CFAP58: variants seen among roughly 807,000 people sequenced by gnomAD.
The protein encoded by CFAP58 is cilia and flagella associated protein 58.
CFAP58 carries 88 observed loss-of-function variants against 119.5 expected under a neutral mutation model. That is an observed-to-expected ratio of 0.74 (90% CI 0.62 to 0.88). CFAP58 has a LOEUF of 0.88. CFAP58 is among the 40% of genes least tolerant of loss of function. The pLI is 0.00. For synonymous variants in CFAP58, 365 were observed against 366.3 expected, an observed-to-expected ratio of 1.00 and a Z score of 0.04; for missense variants, 990 against 1,021.2, an observed-to-expected ratio of 0.97 and a Z score of 0.42.
intron 9 of CFAP58, among the ~76,000 whole-genome samples, chr10:104,391,197 G>T (rs1007092308): frequency 1.3e-5 from 2 of 152,282 alleles, no homozygotes; most frequent in East Asian, 3.9e-4. Context: ...GATGGCAGAA[G>T]TCTAAGAGGT....
upstream of CFAP58, among the ~76,000 whole-genome samples, chr10:104,352,200 G>A (rs111293356): frequency 2.5e-3 from 386 of 152,302 alleles, 4 homozygotes; most frequent in African/African-American, 8.2e-3. Context: ...CACTTTATGA[G>A]TGTTTAATAA....
chr10:104,405,738 C>T (rs1480403949), intron 14 of CFAP58, among the ~76,000 whole-genome samples: 1 of 152,212 alleles, frequency 6.6e-6, no homozygotes, highest in Non-Finnish European at 1.5e-5. Flanking sequence ...TCATAGACTG[C>T]AGTGAATCTT....
chr10:104,354,053 C>T (rs1396297761), intron 1 of CFAP58, 147 bp downstream of exon 1: 8 of 959,118 alleles, frequency 8.3e-6, no homozygotes, highest in Non-Finnish European at 1.3e-5. Context: ...CCGCGCCTTT[C>T]TCCGTTGGCT....
chr10:104,368,697 T>A lies in CFAP58; in HGVS notation c.930+137T>A, dbSNP rs946198902. 32 of 832,434 alleles carry A rather than the reference T, an allele frequency of 3.8e-5. No individual in the cohort carries two copies. In the African/African-American group the frequency reaches 5.0e-4, roughly 13 times the overall value. The allele number at this position is 832,434 out of a possible 1,614,324, so 51.6% of individuals were successfully genotyped here. On this transcript the variant is annotated intron_variant, in intron 6 of 17. Coordinates refer to ENST00000369704, the MANE Select transcript of CFAP58 (RefSeq NM_001008723.2). The stretch of plus-strand genomic sequence containing the variant: ...GACACATCAGAGGCAGGTGCAAGCC[T>A]ATAGTGATTGCTTTAGGCCCAGAAG...
chr10:104,385,754 T>A (rs560956110), intron 9 of CFAP58, among the ~76,000 whole-genome samples: 4 of 152,142 alleles, frequency 2.6e-5, no homozygotes, highest in African/African-American at 9.6e-5. Flanking sequence ...TGGTCAAGGA[T>A]GTAGTGGGAA....
the CFAP58 span, among the ~76,000 whole-genome samples, chr10:104,340,777 T>C: frequency 1.3e-5 from 2 of 152,124 alleles, no homozygotes; most frequent in African/African-American, 2.4e-5. Context: ...GAGTACCCAC[T>C]CAGGGATTGG....
At chr10:104,362,925 G>A (rs780469082) in intron 3 of CFAP58, among the ~76,000 whole-genome samples, 7 of 152,114 alleles carry the variant, frequency 4.6e-5, no homozygotes, top group Non-Finnish European at 1.0e-4. Context: ...AGCCTCGTGC[G>A]AGCCCATCAA....
intron 9 of CFAP58, among the ~76,000 whole-genome samples, chr10:104,391,275 T>A (rs1447709430): frequency 5.3e-5 from 8 of 152,198 alleles, no homozygotes; most frequent in Admixed American, 2.0e-4. Context: ...GACATGGACC[T>A]GTTTCTTCAT....
At position 104,392,709 on chromosome 10, in the gene CFAP58, G is replaced by A. The variant is rs550827109; in HGVS notation, c.1527+315G>A. 5.8e-4 allele frequency among the ~76,000 whole-genome samples: 86 copies of A among 148,624 alleles called. 2 individuals carry two copies. In the South Asian group the frequency reaches 0.018, roughly 31 times the overall value. ...AGCTGGAGTGCAGTGACGCGATCTC[G>A]GCTCACTGCAACCTCTGCCTCCTGG... On this transcript the variant is annotated intron_variant, in intron 10 of 17. Transcript: ENST00000369704.
Position 104,382,312 on chromosome 10 carries a change from AG to A in CFAP58, c.1365+2096del, listed in dbSNP as rs34914266. On this transcript the variant is annotated intron_variant, in intron 9 of 17. Transcript: ENST00000369704. The stretch of plus-strand genomic sequence containing the variant: ...GGCAGGAGTGTGGTCCTCCTTAGGG[AG>A]GGGCCCTGTAGGGTGAGGCAGCAAA... 205 of 651,448 alleles carry A rather than the reference AG, an allele frequency of 3.1e-4. No individual in the cohort carries two copies. In the African/African-American group the frequency reaches 3.2e-3, roughly 10 times the overall value. 40.4% of individuals were successfully genotyped at this position (651,448 alleles called of 1,614,324 possible).
intron 15 of CFAP58, among the ~76,000 whole-genome samples, chr10:104,433,253 G>A (rs901484060): frequency 2.6e-5 from 4 of 152,166 alleles, no homozygotes; most frequent in Non-Finnish European, 4.4e-5. Context: ...GCCACAGCAT[G>A]TGCCTAATTT....
intron 7 of CFAP58, among the ~76,000 whole-genome samples, chr10:104,373,275 C>A (rs1269286490): frequency 6.6e-6 from 1 of 152,016 alleles, no homozygotes; most frequent in African/African-American, 2.4e-5. Context: ...GATGAGAAAA[C>A]TCAATAGAAT....
In CFAP58 at chr10:104,392,082, T is replaced by C. The variant is rs986780093; in HGVS notation, c.1366-151T>C. The C allele has an allele frequency of 1.3e-5, 8 of 602,678 alleles. No individual in the cohort carries two copies. The Admixed American group carries it at 2.6e-4, about 20-fold the overall frequency. 37.3% of individuals were successfully genotyped at this position (602,678 alleles called of 1,614,324 possible). A position where few individuals can be genotyped will look rare whatever the true frequency, so the allele number is the denominator to read the frequency against. On this transcript the variant is annotated intron_variant, in intron 9 of 17. Transcript: ENST00000369704. ...CCCCTAATCAGTTGGGCTGAATTTC[T>C]GTGTTGTACTGCAGTGATTATAGCC...
At chr10:104,347,924 A>C in the CFAP58 span, among the ~76,000 whole-genome samples, 1 of 152,096 alleles carries the variant, frequency 6.6e-6, no homozygotes, top group East Asian at 1.9e-4. Context: ...TATTTGCTTT[A>C]TTCTTCCCTC....
Position 104,358,631 on chromosome 10 carries a change from T to A in CFAP58, c.291+9T>A. 6.2e-7 allele frequency: 1 copy of A among 1,601,968 alleles called. No individual in the cohort carries two copies. On this transcript the variant is annotated intron_variant, in intron 2 of 17. Transcript: ENST00000369704. Reference sequence around the variant, plus strand: ...TTGCATCCCTAAAGAAGGTCAGTGATCTTCTAGAAATGGAATGAACCTGAA... The same window carrying A: ...TTGCATCCCTAAAGAAGGTCAGTGAACTTCTAGAAATGGAATGAACCTGAA...
chr10:104,446,003 C>T (rs939056594), intron 15 of CFAP58, among the ~76,000 whole-genome samples: 2 of 152,196 alleles, frequency 1.3e-5, no homozygotes, highest in Non-Finnish European at 2.9e-5. Context: ...TCTATCTGTA[C>T]TCTGGTATAG....
chr10:104,370,834 C>T, intron 6 of CFAP58, 61 bp from the exon 7 acceptor site: 10 of 1,455,466 alleles, frequency 6.9e-6, no homozygotes, highest in African/African-American at 1.4e-5. Context: ...AGTTTACCAT[C>T]ATCCAGTTCC....
intron 15 of CFAP58, among the ~76,000 whole-genome samples, chr10:104,424,565 A>G (rs1204621616): frequency 6.6e-6 from 1 of 152,174 alleles, no homozygotes; most frequent in East Asian, 1.9e-4. Flanking sequence ...CAAGAAATTT[A>G]TGATCTATTT....
chr10:104,447,693 A>T lies in CFAP58; in HGVS notation c.2257-5A>T, dbSNP rs12766595. ...ATCTCTGCTCCTGGTTCTGCTCTCC[A>T]CTAGGAAAAGGAGAAACTCTACATG... On this transcript the variant is annotated splice_polypyrimidine_tract_variant and splice_region_variant and intron_variant, in intron 15 of 17. Coordinates refer to ENST00000369704, the MANE Select transcript of CFAP58 (RefSeq NM_001008723.2). The T allele has an allele frequency of 0.22, 347,614 of 1,613,320 alleles. 38,648 individuals carry two copies. Among genetic ancestry groups the T allele is most frequent in the Non-Finnish European group, 0.23 (271,828 of 1,179,622 alleles).
Sources: gnomAD v4.1 joint callset for allele counts (sites outside exome capture counted in the v4.1 genomes callset) on GRCh38, gnomAD v4.1.1 for gene constraint, MANE v1.5 for transcripts, NCBI Gene and HGNC (gene_info 2026-07-23, HGNC 2026-07-21) for gene names.